Variants in VEGFC observed in about 807,000 individuals in gnomAD.
VEGFC encodes the protein vascular endothelial growth factor C.
VEGFC carries 12 observed loss-of-function variants against 46.1 expected under a neutral mutation model. The ratio of observed to expected loss-of-function variants is 0.26; its 90% CI spans 0.17 to 0.42. The LOEUF (loss-of-function observed/expected upper bound fraction) is 0.42, where lower values mean the gene tolerates loss of function less well. Ranked by LOEUF, VEGFC falls within the 10% of genes least tolerant of loss-of-function variation. VEGFC has a pLI of 1.00. For synonymous variants in VEGFC, 232 were observed against 195.5 expected (o/e 1.19, Z -1.56); for missense variants, 488 against 529.4 (o/e 0.92, Z 0.77).
At chr4:176,784,262 T>G in intron 1 of VEGFC, among the ~76,000 whole-genome samples, 1 of 151,472 alleles carries the variant, frequency 6.6e-6, no homozygotes, top group South Asian at 2.1e-4. Flanking sequence ...AGAGATAGGG[T>G]TTTCCCCATG....
intron 1 of VEGFC, among the ~76,000 whole-genome samples, chr4:176,740,348 T>C (rs1735145560): frequency 1.7e-5 from 2 of 119,876 alleles, no homozygotes; most frequent in Admixed American, 1.9e-4. Context: ...ACTATATATT[T>C]ATATATAGTT....
chr4:176,782,604 A>C (rs1735935734), intron 1 of VEGFC, among the ~76,000 whole-genome samples: 1 of 152,184 alleles, frequency 6.6e-6, no homozygotes, highest in African/African-American at 2.4e-5. Flanking sequence ...ATAGCACTGA[A>C]CTATAAAGCT....
chr4:176,766,586 CAAAA>C (rs34010850), intron 1 of VEGFC, among the ~76,000 whole-genome samples: 13 of 137,502 alleles, frequency 9.5e-5, no homozygotes, highest in Non-Finnish European at 1.4e-4. Context: ...CACTCTGTCT[CAAAA>C]AAAAAAAAAA....
At chr4:176,690,985 T>TA (rs1277734489) in intron 4 of VEGFC, among the ~76,000 whole-genome samples, 2 of 152,170 alleles carry the variant, frequency 1.3e-5, no homozygotes, top group Non-Finnish European at 2.9e-5. Flanking sequence ...AGAAATGCAT[T>TA]TTAAAATGTA....
chr4:176,775,081 G>A (rs764706010), intron 1 of VEGFC, among the ~76,000 whole-genome samples: 1 of 152,140 alleles, frequency 6.6e-6, no homozygotes, highest in Non-Finnish European at 1.5e-5. Context: ...GGGAAATAAC[G>A]TGGCAGAAGT....
At chr4:176,786,159 A>C (rs1354877434) in intron 1 of VEGFC, among the ~76,000 whole-genome samples, 1 of 152,174 alleles carries the variant, frequency 6.6e-6, no homozygotes. Context: ...GCTTTCTTAG[A>C]CACTTCTGTG....
intron 3 of VEGFC, among the ~76,000 whole-genome samples, chr4:176,713,234 A>G (rs1432666297): frequency 1.3e-5 from 2 of 152,148 alleles, no homozygotes; most frequent in Non-Finnish European, 2.9e-5. Context: ...TATGATTTTG[A>G]CCAGTTTCTT....
intron 6 of VEGFC, among the ~76,000 whole-genome samples, chr4:176,685,549 T>G (rs1292944296): frequency 6.6e-6 from 1 of 152,128 alleles, no homozygotes; most frequent in Non-Finnish European, 1.5e-5. Flanking sequence ...AAATATTGTC[T>G]GTGTTCATAT....
chr4:176,697,131 A>G (rs369181703), intron 4 of VEGFC, among the ~76,000 whole-genome samples: 3 of 151,728 alleles, frequency 2.0e-5, no homozygotes, highest in African/African-American at 2.4e-5. Context: ...AAAATTGATA[A>G]ATGGGATCTA....
intron 1 of VEGFC, among the ~76,000 whole-genome samples, chr4:176,740,424 T>TATATAG: frequency 3.6e-5 from 2 of 55,210 alleles, no homozygotes; most frequent in African/African-American, 1.1e-4. Context: ...ATTCTATATA[T>TATATAG]AGTTATATAT....
chr4:176,786,603 T>C (rs1355854779), intron 1 of VEGFC, among the ~76,000 whole-genome samples: 1 of 152,244 alleles, frequency 6.6e-6, no homozygotes, highest in East Asian at 1.9e-4. Flanking sequence ...TCACTTGTAG[T>C]ATTTTTAATG....
At chr4:176,690,428 G>C (rs9654286) in intron 4 of VEGFC, among the ~76,000 whole-genome samples, 34,946 of 151,192 alleles carry the variant, frequency 0.23, 6,651 homozygotes, top group African/African-American at 0.53. Context: ...GATAGCATCC[G>C]TTACACATTA....
chr4:176,751,634 A>C (rs545105745), intron 1 of VEGFC, among the ~76,000 whole-genome samples: 20 of 152,036 alleles, frequency 1.3e-4, no homozygotes, highest in Non-Finnish European at 2.9e-4. Flanking sequence ...TCCCTAAAAT[A>C]AAACATAAAC....
intron 1 of VEGFC, among the ~76,000 whole-genome samples, chr4:176,738,104 T>C (rs1735086685): frequency 6.6e-6 from 1 of 152,044 alleles, no homozygotes; most frequent in South Asian, 2.1e-4. Flanking sequence ...GAAGAATCAA[T>C]ATCATGAAAA....
At chr4:176,763,560 G>A (rs1735567273) in intron 1 of VEGFC, among the ~76,000 whole-genome samples, 1 of 152,102 alleles carries the variant, frequency 6.6e-6, no homozygotes, top group Non-Finnish European at 1.5e-5. Flanking sequence ...AACTTGAGTA[G>A]CGGTACACTG....
At chr4:176,766,993 G>A (rs1185272095) in intron 1 of VEGFC, among the ~76,000 whole-genome samples, 1 of 147,550 alleles carries the variant, frequency 6.8e-6, no homozygotes, top group Non-Finnish European at 1.5e-5. Flanking sequence ...TAAAATTAAA[G>A]AAATCTGGCC....
intron 1 of VEGFC, among the ~76,000 whole-genome samples, chr4:176,771,634 C>T (rs944502142): frequency 1.3e-5 from 2 of 152,120 alleles, no homozygotes; most frequent in African/African-American, 4.8e-5. Flanking sequence ...CAGGTAGACA[C>T]ACTGCAGCAA....
intron 1 of VEGFC, among the ~76,000 whole-genome samples, chr4:176,730,180 A>G (rs1023745170): frequency 6.6e-6 from 1 of 152,192 alleles, no homozygotes; most frequent in Non-Finnish European, 1.5e-5. Context: ...GATGCTTGAG[A>G]GTAGGAATTT....
intron 1 of VEGFC, among the ~76,000 whole-genome samples, chr4:176,780,336 T>G (rs1156894260): frequency 7.6e-6 from 1 of 131,468 alleles, no homozygotes. Context: ...GAGCCGAGAT[T>G]ACCCCACTGC....
Sources: gnomAD v4.1 joint callset for allele counts (sites outside exome capture counted in the v4.1 genomes callset) on GRCh38, gnomAD v4.1.1 for gene constraint, MANE v1.5 for transcripts, NCBI Gene and HGNC (gene_info 2026-07-23, HGNC 2026-07-21) for gene names.